Variants in TBC1D4 observed in about 807,000 individuals in gnomAD.
TBC1D4 encodes the protein TBC1 domain family member 4.
In TBC1D4, 121 loss-of-function variants were observed where a neutral mutation model predicts 142.5. The ratio of observed to expected loss-of-function variants is 0.85; its 90% CI spans 0.73 to 0.99. TBC1D4 has a LOEUF of 0.99. TBC1D4 is among the 50% of genes least tolerant of loss of function. The pLI, the probability that TBC1D4 is intolerant of heterozygous loss-of-function variation, is 0.00. For synonymous variants in TBC1D4, 630 were observed against 628.2 expected, an observed-to-expected ratio of 1.00 and a Z score of -0.04; for missense variants, 1,475 against 1,606.6, an observed-to-expected ratio of 0.92 and a Z score of 1.40.
chr13:75,324,890 T>A (rs2116411), intron 10 of TBC1D4, among the ~76,000 whole-genome samples: 3,198 of 152,322 alleles, frequency 0.021, 69 homozygotes, highest in South Asian at 0.1. Context: ...TAACAAACAT[T>A]AATGTCCGTG....
At chr13:75,388,634 T>G (rs1884310193) in intron 1 of TBC1D4, among the ~76,000 whole-genome samples, 1 of 152,212 alleles carries the variant, frequency 6.6e-6, no homozygotes, top group African/African-American at 2.4e-5. Context: ...CCATTGCTTT[T>G]GCACCATCAG....
intron 1 of TBC1D4, among the ~76,000 whole-genome samples, chr13:75,460,748 TC>T: frequency 6.6e-6 from 1 of 151,798 alleles, no homozygotes; most frequent in Admixed American, 6.6e-5. Context: ...CAGCGAGACC[TC>T]ATCTTCACTA....
At chr13:75,308,655 C>A (rs1877421900) in intron 14 of TBC1D4, among the ~76,000 whole-genome samples, 1 of 152,114 alleles carries the variant, frequency 6.6e-6, no homozygotes, top group Admixed American at 6.5e-5. Context: ...GGATGACCAC[C>A]TTTTTTTCAA....
At chr13:75,410,843 G>A (rs1379373267) in intron 1 of TBC1D4, among the ~76,000 whole-genome samples, 1 of 148,414 alleles carries the variant, frequency 6.7e-6, no homozygotes, top group Non-Finnish European at 1.5e-5. Context: ...GGCTGAGGCA[G>A]GAGAATGGCG....
At chr13:75,328,795 G>T (rs916219557) in intron 8 of TBC1D4, among the ~76,000 whole-genome samples, 3 of 151,990 alleles carry the variant, frequency 2.0e-5, no homozygotes, top group East Asian at 3.9e-4. Context: ...ACATTCTTAG[G>T]TTTATTTGGG....
chr13:75,430,625 C>T (rs911445176), intron 1 of TBC1D4, among the ~76,000 whole-genome samples: 5 of 152,122 alleles, frequency 3.3e-5, no homozygotes, highest in Admixed American at 1.3e-4. Flanking sequence ...CCAGGCTCAT[C>T]GGGGGACAGA....
At chr13:75,454,025 A>T (rs1233030368) in intron 1 of TBC1D4, among the ~76,000 whole-genome samples, 2 of 146,484 alleles carry the variant, frequency 1.4e-5, no homozygotes, top group African/African-American at 2.5e-5. Context: ...ATAAATCTCT[A>T]TTTTTTTTTT....
chr13:75,337,511 T>C (rs1017717230), intron 7 of TBC1D4, among the ~76,000 whole-genome samples: 6 of 152,224 alleles, frequency 3.9e-5, no homozygotes, highest in African/African-American at 1.4e-4. Context: ...GAGTGGGTCA[T>C]TTATGTCTTA....
At position 75,479,612 on chromosome 13, in the gene TBC1D4, A is replaced by C. The variant is rs1343284578; in HGVS notation, c.498+1658T>G. 4.6e-5 allele frequency among the ~76,000 whole-genome samples: 7 copies of C among 152,112 alleles called. 1 individual carries two copies. Among genetic ancestry groups the C allele is most frequent in the Admixed American group, 4.6e-4 (7 of 15,270 alleles). ...ATGTCGCTGGGGGGAAATAACTTTA[A>C]CAGAAACCCCCGAGAGTCATGAAAA... On this transcript the variant is annotated intron_variant, in intron 1 of 20. Transcript: ENST00000377636.
chr13:75,339,947 T>C (rs760426318), intron 7 of TBC1D4, among the ~76,000 whole-genome samples: 12 of 152,214 alleles, frequency 7.9e-5, no homozygotes, highest in Non-Finnish European at 1.8e-4. Flanking sequence ...CAAAATGTCC[T>C]TCCTCTTGAA....
intron 1 of TBC1D4, among the ~76,000 whole-genome samples, chr13:75,416,528 G>A (rs1885924783): frequency 6.6e-6 from 1 of 152,116 alleles, no homozygotes; most frequent in African/African-American, 2.4e-5. Context: ...AGAGCCTCAA[G>A]TGCAGGAAAA....
At chr13:75,401,432 T>G (rs570051725) in intron 1 of TBC1D4, among the ~76,000 whole-genome samples, 1 of 152,310 alleles carries the variant, frequency 6.6e-6, no homozygotes, top group African/African-American at 2.4e-5. Context: ...AGTCAATGCC[T>G]GATACTACAT....
At chr13:75,431,738 T>G (rs958452738) in intron 1 of TBC1D4, among the ~76,000 whole-genome samples, 1 of 152,224 alleles carries the variant, frequency 6.6e-6, no homozygotes, top group Admixed American at 6.5e-5. Flanking sequence ...GCCTTTTCAC[T>G]GAATTAACAT....
In TBC1D4 at chr13:75,480,031, C is replaced by CAAAAA. The variant is rs59073862; in HGVS notation, c.498+1234_498+1238dup. On this transcript the variant is annotated intron_variant, in intron 1 of 20. Transcript: ENST00000377636. ...TGGGCGACAGAGCAAGACTCCGTCT[C>CAAAAA]AAAAAAAAAAAACCTATTTTTCAAA... Among the ~76,000 whole-genome samples, 881 of 144,670 alleles carry CAAAAA rather than the reference C, an allele frequency of 6.1e-3. 9 individuals carry two copies. Among genetic ancestry groups the CAAAAA allele is most frequent in the Non-Finnish European group, 8.8e-3 (586 of 66,336 alleles). The allele number at this position is 144,670 out of a possible 152,430, so 94.9% of individuals were successfully genotyped here.
rs772611434 is a variant in TBC1D4, at chr13:75,337,037, T to C, written c.1615A>G (p.Ile539Val). The change falls in exon 8 of 21, where the codon ATT (isoleucine) becomes GTT (valine). Residue 539 changes from isoleucine (I) to valine (V), a missense_variant. Ile to Val is a conservative substitution (Grantham distance 29, BLOSUM62 3). This residue lies in a region of TBC1D4 where 1,227 missense variants were observed against 1,267.7 expected (regional missense o/e 0.97). Transcript: ENST00000377636. ...TTTTCTGGGATTGTACTATTTGAAA[T>C]AGTCTAAAAAAAGAAAAACAGATAC... Reference protein sequence around the residue: ...HVHIGEGPSTISNSTIPENAT... With the variant: ...HVHIGEGPSTVSNSTIPENAT... 3 of 1,612,648 alleles carry C rather than the reference T, an allele frequency of 1.9e-6. No homozygotes were observed. Among genetic ancestry groups the C allele is most frequent in the South Asian group, 2.2e-5 (2 of 91,010 alleles).
At chr13:75,383,403 G>A (rs1883974707) in intron 1 of TBC1D4, among the ~76,000 whole-genome samples, 1 of 152,122 alleles carries the variant, frequency 6.6e-6, no homozygotes. Context: ...CCTCAACCGT[G>A]GCTATAGTAG....
chr13:75,373,701 C>T (rs989114024), intron 1 of TBC1D4, among the ~76,000 whole-genome samples: 3 of 152,206 alleles, frequency 2.0e-5, no homozygotes, highest in African/African-American at 4.8e-5. Flanking sequence ...TGACATCTTG[C>T]AGCAAGACTG....
rs777502566 is a variant in TBC1D4, at chr13:75,356,198, A to G, written c.1224T>C (p.Pro408=). The G allele has an allele frequency of 2.8e-5, 45 of 1,613,728 alleles. No homozygotes were observed. The highest frequency in any genetic ancestry group is 3.6e-5 in the Non-Finnish European group (43 of 1,179,822). The change falls in exon 4 of 21, where the codon CCT becomes CCC. Residue 408 remains proline, a synonymous_variant. Transcript: ENST00000377636. ...CATAACAAATATACTGGCTAAGTCCAGGCTCTGGAGACTCCCGGCAGATAA... is the reference window on the plus strand; with the variant it reads ...CATAACAAATATACTGGCTAAGTCCGGGCTCTGGAGACTCCCGGCAGATAA... The part of the protein sequence containing the change: ...FGFICRESPE[P]GLSQYICYVF...
intron 19 of TBC1D4, among the ~76,000 whole-genome samples, chr13:75,291,518 G>T (rs1460097534): frequency 2.0e-5 from 3 of 152,150 alleles, no homozygotes; most frequent in Admixed American, 6.6e-5. Flanking sequence ...TGAATCATCG[G>T]AGGGAGAATG....
Sources: gnomAD v4.1 joint callset for allele counts (sites outside exome capture counted in the v4.1 genomes callset) on GRCh38, gnomAD v4.1.1 for gene constraint, gnomAD v4.1.1 regional missense constraint, MANE v1.5 for transcripts, NCBI Gene and HGNC (gene_info 2026-07-23, HGNC 2026-07-21) for gene names.